GRID2: variants seen among roughly 807,000 people sequenced by gnomAD.
GRID2 encodes the protein glutamate receptor ionotropic, delta-2.
Under a neutral mutation model 114.8 loss-of-function variants are expected in GRID2, and 33 were observed. That is an observed-to-expected ratio of 0.29 (90% CI 0.22 to 0.38). The LOEUF (loss-of-function observed/expected upper bound fraction) is 0.38. GRID2 is among the 10% of genes least tolerant of loss of function. The pLI is 1.00. For missense variants in GRID2, 1,184 were observed against 1,257.7 expected, an observed-to-expected ratio of 0.94 and a Z score of 0.89; for synonymous variants, 505 against 449.9, an observed-to-expected ratio of 1.12 and a Z score of -1.55.
intron 5 of GRID2, among the ~76,000 whole-genome samples, chr4:93,212,679 T>C (rs2149477121): frequency 6.6e-6 from 1 of 152,296 alleles, no homozygotes; most frequent in Non-Finnish European, 1.5e-5. Context: ...CTTTACTGGC[T>C]TTTTACTTAA....
intron 8 of GRID2, among the ~76,000 whole-genome samples, chr4:93,305,078 T>C (rs1331737874): frequency 6.6e-6 from 1 of 151,726 alleles, no homozygotes; most frequent in East Asian, 1.9e-4. Flanking sequence ...TTTTTAAGAG[T>C]TTTAATGAAC....
intron 1 of GRID2, among the ~76,000 whole-genome samples, chr4:92,328,034 G>A (rs1326582523): frequency 6.6e-6 from 1 of 151,992 alleles, no homozygotes; most frequent in Non-Finnish European, 1.5e-5. Flanking sequence ...ATATGTTAAT[G>A]TATAAAGTGA....
At chr4:93,638,287 T>C (rs1383616864) in intron 14 of GRID2, among the ~76,000 whole-genome samples, 2 of 150,736 alleles carry the variant, frequency 1.3e-5, no homozygotes, top group Non-Finnish European at 3.0e-5. Context: ...AGAAAACATA[T>C]TTAAAACTTG....
intron 8 of GRID2, among the ~76,000 whole-genome samples, chr4:93,337,148 T>C (rs959890617): frequency 6.6e-6 from 1 of 152,198 alleles, no homozygotes; most frequent in Non-Finnish European, 1.5e-5. Context: ...AGGATTTACT[T>C]ATGTTGCCTG....
At chr4:93,612,983 C>A (rs2149667246) in intron 13 of GRID2, among the ~76,000 whole-genome samples, 1 of 145,928 alleles carries the variant, frequency 6.9e-6, no homozygotes, top group Non-Finnish European at 1.5e-5. Context: ...TCACATACTC[C>A]CATATTTCTT....
chr4:92,952,666 A>G (rs560488019), intron 2 of GRID2, among the ~76,000 whole-genome samples: 42 of 152,328 alleles, frequency 2.8e-4, no homozygotes, highest in African/African-American at 9.6e-4. Context: ...CCTAACTCAA[A>G]GTTTAATCCA....
At chr4:92,777,578 T>G (rs1738870324) in intron 2 of GRID2, among the ~76,000 whole-genome samples, 1 of 152,004 alleles carries the variant, frequency 6.6e-6, no homozygotes, top group African/African-American at 2.4e-5. Flanking sequence ...TCCCCAAAAT[T>G]TATATTTTGA....
chr4:92,495,808 G>A (rs1723360757), intron 1 of GRID2, among the ~76,000 whole-genome samples: 1 of 151,872 alleles, frequency 6.6e-6, no homozygotes, highest in African/African-American at 2.4e-5. Flanking sequence ...AGAACCTCCT[G>A]ATAGGTGAGT....
chr4:92,853,357 GAATT>G (rs1358327893), intron 2 of GRID2, among the ~76,000 whole-genome samples: 13 of 151,978 alleles, frequency 8.6e-5, no homozygotes, highest in African/African-American at 2.9e-4. Context: ...ATAAATAGAT[GAATT>G]AATTAATGAG....
intron 2 of GRID2, among the ~76,000 whole-genome samples, chr4:92,962,709 C>G: frequency 6.6e-6 from 1 of 151,860 alleles, no homozygotes; most frequent in East Asian, 1.9e-4. Flanking sequence ...TCTAGTTCCT[C>G]AAGGCAAAAC....
intron 2 of GRID2, among the ~76,000 whole-genome samples, chr4:93,077,302 G>A (rs1379987119): frequency 1.3e-5 from 2 of 152,118 alleles, no homozygotes; most frequent in East Asian, 3.9e-4. Flanking sequence ...TGATATTCTA[G>A]GTAGATAGCA....
chr4:93,463,772 G>A (rs1450486592), intron 11 of GRID2, among the ~76,000 whole-genome samples: 3 of 151,994 alleles, frequency 2.0e-5, no homozygotes, highest in East Asian at 1.9e-4. Context: ...GGTGGATCAG[G>A]AGGTCAGGAG....
chr4:92,479,894 T>C (rs1443254936), intron 1 of GRID2, among the ~76,000 whole-genome samples: 2 of 152,148 alleles, frequency 1.3e-5, no homozygotes, highest in Non-Finnish European at 2.9e-5. Context: ...AGTGAGTACA[T>C]AGAATATTCA....
At chr4:93,170,514 T>C (rs955156709) in intron 4 of GRID2, among the ~76,000 whole-genome samples, 4 of 152,174 alleles carry the variant, frequency 2.6e-5, no homozygotes, top group Admixed American at 1.3e-4. Flanking sequence ...CTTATTTCCA[T>C]TGAGATATAG....
chr4:93,598,331 G>T (rs1011900051), intron 13 of GRID2, among the ~76,000 whole-genome samples: 2 of 151,972 alleles, frequency 1.3e-5, no homozygotes, highest in Non-Finnish European at 2.9e-5. Flanking sequence ...ATAGTCCACT[G>T]TCTCTTTCTT....
intron 13 of GRID2, among the ~76,000 whole-genome samples, chr4:93,611,862 G>A (rs1030146093): frequency 6.6e-6 from 1 of 151,618 alleles, no homozygotes; most frequent in Non-Finnish European, 1.5e-5. Context: ...TCAATTCCTG[G>A]GTATCCTTGT....
intron 2 of GRID2, among the ~76,000 whole-genome samples, chr4:92,922,280 C>A (rs995501192): frequency 6.6e-6 from 1 of 152,180 alleles, no homozygotes; most frequent in African/African-American, 2.4e-5. Flanking sequence ...AATTCCCTGA[C>A]CCCTTGCGCT....
intron 13 of GRID2, among the ~76,000 whole-genome samples, chr4:93,524,858 A>G (rs1010807477): frequency 9.0e-6 from 1 of 110,626 alleles, no homozygotes; most frequent in African/African-American, 3.1e-5. Context: ...TATGTATACA[A>G]ATTCTGTGAA....
At chr4:93,784,379 C>G (rs1044736841) in intron 1 of GRID2, among the ~76,000 whole-genome samples, 3 of 152,022 alleles carry the variant, frequency 2.0e-5, no homozygotes, top group African/African-American at 7.2e-5. Context: ...AGCTGAGATT[C>G]CTTCTGGCAG....
Sources: allele counts gnomAD v4.1 joint callset (sites outside exome capture counted in the v4.1 genomes callset), GRCh38; gene constraint gnomAD v4.1.1; transcripts MANE v1.5; gene names NCBI Gene and HGNC (gene_info 2026-07-23, HGNC 2026-07-21).